Variants in EDEM2 observed in about 807,000 individuals in gnomAD.
EDEM2 encodes ER degradation enhancing alpha-mannosidase like protein 2.
A neutral mutation model predicts 64.8 loss-of-function variants in EDEM2; 39 were observed. The ratio of observed to expected loss-of-function variants is 0.60; its 90% CI spans 0.47 to 0.79. The LOEUF (loss-of-function observed/expected upper bound fraction) is 0.79, where lower values mean the gene tolerates loss of function less well. Among genes scored for constraint, EDEM2 ranks in the 30% least tolerant of loss-of-function variants. The probability of loss-of-function intolerance (pLI) is 0.00; values close to 1 mark genes in which losing one functional copy is unlikely to be tolerated. For missense variants in EDEM2, 609 were observed against 731.3 expected (o/e 0.83, Z 1.93); for synonymous variants, 296 against 291.5 (o/e 1.02, Z -0.16).
At chr20:35,133,209 G>A (rs903112474) in intron 6 of EDEM2, among the ~76,000 whole-genome samples, 2 of 152,088 alleles carry the variant, frequency 1.3e-5, no homozygotes, top group African/African-American at 4.8e-5. Flanking sequence ...TCAGTTACCG[G>A]CTTGAGAGCT....
chr20:35,139,591 A>G (rs914499353), intron 4 of EDEM2, among the ~76,000 whole-genome samples: 1 of 151,352 alleles, frequency 6.6e-6, no homozygotes, highest in Admixed American at 6.6e-5. Context: ...CGGAGGTTGC[A>G]GTGAGCTGAG....
At chr20:35,120,872 C>G (rs2146088582) in intron 9 of EDEM2, among the ~76,000 whole-genome samples, 1 of 152,300 alleles carries the variant, frequency 6.6e-6, no homozygotes, top group South Asian at 2.1e-4. Context: ...GCTGGGATTA[C>G]AGGCGTGAGC....
intron 10 of EDEM2, among the ~76,000 whole-genome samples, chr20:35,117,717 C>T (rs1317753469): frequency 2.6e-5 from 4 of 152,150 alleles, no homozygotes; most frequent in Non-Finnish European, 4.4e-5. Flanking sequence ...GTAGGCTTTT[C>T]AGGGGATTTT....
chr20:35,146,985 C>A, intron 1 of EDEM2, 50 bp from the exon 2 acceptor site: 1 of 1,587,138 alleles, frequency 6.3e-7, no homozygotes, highest in Non-Finnish European at 8.6e-7. Context: ...CAAAAACAAG[C>A]GGGGGAAGAA....
chr20:35,143,369 C>T (rs558261220), intron 3 of EDEM2, among the ~76,000 whole-genome samples: 142 of 152,230 alleles, frequency 9.3e-4, no homozygotes, highest in African/African-American at 2.9e-3. Context: ...AACTCAGACT[C>T]GATTTCTGAA....
chr20:35,124,320 G>A (rs761007542), intron 8 of EDEM2, among the ~76,000 whole-genome samples: 4 of 152,090 alleles, frequency 2.6e-5, no homozygotes, highest in African/African-American at 4.8e-5. Flanking sequence ...TTTGGAATTC[G>A]GCCAGCCAGT....
At chr20:35,130,254 G>A (rs8125610) in intron 7 of EDEM2, among the ~76,000 whole-genome samples, 2 of 151,908 alleles carry the variant, frequency 1.3e-5, no homozygotes, top group Non-Finnish European at 2.9e-5. Context: ...ATTTTTTGTA[G>A]AGACGAGGTC....
intron 9 of EDEM2, among the ~76,000 whole-genome samples, chr20:35,120,338 C>T (rs1461777853): frequency 6.6e-6 from 1 of 152,138 alleles, no homozygotes; most frequent in Non-Finnish European, 1.5e-5. Context: ...GTTGAGATAA[C>T]AGGCGTGAGT....
intron 2 of EDEM2, among the ~76,000 whole-genome samples, chr20:35,146,262 A>G (rs2085731063): frequency 6.6e-6 from 1 of 152,094 alleles, no homozygotes; most frequent in Admixed American, 6.6e-5. Context: ...AACCATCACA[A>G]GTTTTGAGTT....
chr20:35,144,889 T>C, intron 3 of EDEM2, 90 bp downstream of exon 3: 2 of 1,453,488 alleles, frequency 1.4e-6, no homozygotes, highest in Non-Finnish European at 9.6e-7. Context: ...AGGAGAGGAA[T>C]TCATTTTTCA....
chr20:35,124,794 T>C (rs1301748650), intron 8 of EDEM2, among the ~76,000 whole-genome samples: 2 of 152,250 alleles, frequency 1.3e-5, no homozygotes, highest in African/African-American at 4.8e-5. Flanking sequence ...ATTATCTCCA[T>C]ATTTTTAGAT....
chr20:35,126,667 C>T (rs546492714), intron 7 of EDEM2, among the ~76,000 whole-genome samples: 1 of 152,238 alleles, frequency 6.6e-6, no homozygotes, highest in South Asian at 2.1e-4. Flanking sequence ...AATCCCAGCA[C>T]TTTGGGAGGC....
chr20:35,145,859 G>T (rs886826381), intron 2 of EDEM2, among the ~76,000 whole-genome samples: 1 of 152,002 alleles, frequency 6.6e-6, no homozygotes, highest in Admixed American at 6.6e-5. Context: ...AAAATTAGCC[G>T]GGTGTGGTGG....
chr20:35,142,139 G>A (rs920488368), intron 4 of EDEM2, among the ~76,000 whole-genome samples: 1 of 152,282 alleles, frequency 6.6e-6, no homozygotes, highest in Non-Finnish European at 1.5e-5. Flanking sequence ...GTAATCTGGT[G>A]TATTTCTTTC....
rs572904493 is a variant in EDEM2, at chr20:35,119,132, T to C, written c.1115-413A>G. ...ATTAAGGACACCATGGCGAGCCATATAAGCCCAGAACATGAGAGAGAAATA... is the reference window on the plus strand; with the variant it reads ...ATTAAGGACACCATGGCGAGCCATACAAGCCCAGAACATGAGAGAGAAATA... On this transcript the variant is annotated intron_variant, in intron 9 of 10. Coordinates refer to ENST00000374492, the MANE Select transcript of EDEM2 (RefSeq NM_018217.3). Among the ~76,000 whole-genome samples, 16 of 152,314 alleles carry C rather than the reference T, an allele frequency of 1.1e-4. No individual in the cohort carries two copies. The South Asian group carries it at 2.7e-3, about 26-fold the overall frequency.
chr20:35,128,854 A>G (rs2085470529), intron 7 of EDEM2, among the ~76,000 whole-genome samples: 2 of 150,976 alleles, frequency 1.3e-5, no homozygotes, highest in South Asian at 4.2e-4. Context: ...TATAAATAAA[A>G]TATTTCTGTA....
At chr20:35,123,070 G>C (rs1277793201) in intron 9 of EDEM2, among the ~76,000 whole-genome samples, 1 of 152,186 alleles carries the variant, frequency 6.6e-6, no homozygotes, top group Non-Finnish European at 1.5e-5. Flanking sequence ...GAACCTATGA[G>C]AGTGTCTCAA....
chr20:35,119,412 T>C (rs567986820), intron 9 of EDEM2, among the ~76,000 whole-genome samples: 16 of 151,956 alleles, frequency 1.1e-4, no homozygotes, highest in Admixed American at 9.8e-4. Flanking sequence ...CTGGGCAACA[T>C]GGCGAGATCT....
chr20:35,133,986 G>A (rs1297072587), intron 6 of EDEM2: 13 of 412,584 alleles, frequency 3.2e-5, no homozygotes, highest in South Asian at 1.2e-4. Context: ...ACACAGTTTC[G>A]ATGTAGCAAG....
Sources: gnomAD v4.1 joint callset for allele counts (sites outside exome capture counted in the v4.1 genomes callset) on GRCh38, gnomAD v4.1.1 for gene constraint, MANE v1.5 for transcripts, NCBI Gene and HGNC (gene_info 2026-07-23, HGNC 2026-07-21) for gene names.